The following HORMAD2 variants were observed in gnomAD, a reference collection of about 807,000 sequenced individuals.
HORMAD2 encodes the protein HORMA domain-containing protein 2.
HORMAD2 carries 45 observed loss-of-function variants against 38.8 expected under a neutral mutation model. The ratio of observed to expected loss-of-function variants is 1.16; its 90% CI spans 0.91 to 1.49. HORMAD2 has a LOEUF of 1.49. HORMAD2 is among the 40% of genes most tolerant of loss of function. HORMAD2 has a pLI of 0.00. For synonymous variants in HORMAD2, 126 were observed against 122.8 expected, an observed-to-expected ratio of 1.03 and a Z score of -0.17; for missense variants, 338 against 367.0, an observed-to-expected ratio of 0.92 and a Z score of 0.65.
At position 30,176,287 on chromosome 22, in the gene HORMAD2, C is replaced by A. The variant is rs1453813202; in HGVS notation, c.*120C>A. 2 of 738,842 alleles carry A rather than the reference C, an allele frequency of 2.7e-6. No individual in the cohort carries two copies. The highest frequency in any genetic ancestry group is 3.8e-4 in the Middle Eastern group (1 of 2,638). 45.8% of individuals were successfully genotyped at this position (738,842 alleles called of 1,614,324 possible). A position where few individuals can be genotyped will look rare whatever the true frequency, so the allele number is the denominator to read the frequency against. ...AAAACCTTTTTCTAAATTTTTTGCT[C>A]AATTTTTTTTGTCAGTTGCTAAGTG... On this transcript the variant is annotated 3_prime_UTR_variant, in exon 11 of 11. Coordinates refer to ENST00000336726, the MANE Select transcript of HORMAD2 (RefSeq NM_152510.4).
intron 10 of HORMAD2, among the ~76,000 whole-genome samples, chr22:30,146,097 T>A (rs1226725655): frequency 6.6e-6 from 1 of 152,226 alleles, no homozygotes; most frequent in Non-Finnish European, 1.5e-5. Context: ...GTCCATGTAA[T>A]TCCCCATGTT....
Position 30,121,648 on chromosome 22 carries a change from A to G in HORMAD2, c.427A>G (p.Ser143Gly), listed in dbSNP as rs1601541029. 6.3e-7 allele frequency: 1 copy of G among 1,596,858 alleles called. No individual in the cohort carries two copies. Among genetic ancestry groups the G allele is most frequent in the Admixed American group, 1.8e-5 (1 of 57,006 alleles). ...TCTGTGTAGTCATAGCAGCAGTACA[A>G]GCTTTGAAAGTGGAACAAACAATGA... ...MDFDSHSSST[S>G]FESGTNNEDI... The change falls in exon 9 of 11, where the codon AGC (serine) becomes GGC (glycine). Residue 143 changes from serine to glycine, a missense_variant. Physicochemically the swap from Ser to Gly is moderately conservative, Grantham distance 56. Transcript: ENST00000336726.
At chr22:30,086,714 AG>A (rs1271692851) in intron 1 of HORMAD2, among the ~76,000 whole-genome samples, 1 of 152,214 alleles carries the variant, frequency 6.6e-6, no homozygotes, top group Non-Finnish European at 1.5e-5. Flanking sequence ...TACAGGCAAA[AG>A]ATGAGACTGG....
In HORMAD2 at chr22:30,102,908, G is replaced by A. The variant is rs142633566; in HGVS notation, c.194-529G>A. On this transcript the variant is annotated intron_variant, in intron 3 of 10. Transcript: ENST00000336726. ...GCCTCCCAAAGTGCTGGGATTACAG[G>A]TGTGAGCCACCACACCCGGCCTAAA... Among the ~76,000 whole-genome samples the A allele has an allele frequency of 3.5e-3, 531 of 152,220 alleles. 11 individuals are homozygous for A. The highest frequency in any genetic ancestry group is 0.026 in the Admixed American group (393 of 15,270).
chr22:30,168,280 T>C lies in HORMAD2; in HGVS notation c.820-7783T>C, dbSNP rs141613164. Among the ~76,000 whole-genome samples, 5 of 152,314 alleles carry C rather than the reference T, an allele frequency of 3.3e-5. No individual in the cohort carries two copies. In the East Asian group the frequency reaches 9.6e-4, roughly 29 times the overall value. On this transcript the variant is annotated intron_variant, in intron 10 of 10. Coordinates refer to ENST00000336726, the MANE Select transcript of HORMAD2 (RefSeq NM_152510.4). Reference sequence around the variant, plus strand: ...ATTAAGGCCATCAAACATAAATCATTCAACTTTCTGCTCTCATATTTAAAT... The same window carrying C: ...ATTAAGGCCATCAAACATAAATCATCCAACTTTCTGCTCTCATATTTAAAT...
intron 8 of HORMAD2, 64 bp from the exon 9 acceptor site, chr22:30,121,568 T>C (rs1211446408): frequency 1.9e-5 from 24 of 1,290,890 alleles, no homozygotes; most frequent in Non-Finnish European, 2.4e-5. Context: ...AAAAGTTTTG[T>C]TCCTTTTGGG....
At chr22:30,136,762 T>C (rs186788499) in intron 10 of HORMAD2, 6 of 186,066 alleles carry the variant, frequency 3.2e-5, no homozygotes, top group Admixed American at 1.8e-4. Context: ...TCAAAACTAC[T>C]ACCTTCACCA....
intron 8 of HORMAD2, 145 bp downstream of exon 8, chr22:30,119,192 A>G (rs1428385276): frequency 4.9e-6 from 3 of 614,232 alleles, no homozygotes; most frequent in Non-Finnish European, 8.7e-6. Context: ...AAGGGGCTGC[A>G]ACAATTGTTT....
At chr22:30,084,386 C>T (rs1350271369) in intron 1 of HORMAD2, among the ~76,000 whole-genome samples, 1 of 152,116 alleles carries the variant, frequency 6.6e-6, no homozygotes, top group Admixed American at 6.5e-5. Context: ...CCTGGGGTAA[C>T]AATATTAATC....
chr22:30,200,153 G>A, the HORMAD2 span, among the ~76,000 whole-genome samples: 1 of 152,024 alleles, frequency 6.6e-6, no homozygotes, highest in South Asian at 2.1e-4. Flanking sequence ...CTGACCCCAA[G>A]AGATCCACCC....
At chr22:30,117,669 C>T (rs1262759055) in intron 7 of HORMAD2, among the ~76,000 whole-genome samples, 11 of 151,916 alleles carry the variant, frequency 7.2e-5, no homozygotes, top group Admixed American at 5.2e-4. Flanking sequence ...CCACCACGCC[C>T]GGCTAATTTT....
At chr22:30,169,189 T>G (rs1262860953) in intron 10 of HORMAD2, among the ~76,000 whole-genome samples, 1 of 152,178 alleles carries the variant, frequency 6.6e-6, no homozygotes, top group Non-Finnish European at 1.5e-5. Flanking sequence ...AAAGAACTGA[T>G]AAGATCTTTT....
chr22:30,122,295 G>A (rs563082244), intron 10 of HORMAD2, 81 bp downstream of exon 10: 10 of 1,320,768 alleles, frequency 7.6e-6, no homozygotes, highest in Admixed American at 5.6e-5. Flanking sequence ...GGGCATGCAC[G>A]TGGAGTGTGC....
intron 2 of HORMAD2, among the ~76,000 whole-genome samples, chr22:30,098,400 A>G (rs1329685103): frequency 6.6e-6 from 1 of 152,208 alleles, no homozygotes. Flanking sequence ...TTGGAGAGGA[A>G]AAGAGAGTAT....
At chr22:30,085,094 C>T (rs2068547455) in intron 1 of HORMAD2, among the ~76,000 whole-genome samples, 1 of 150,272 alleles carries the variant, frequency 6.7e-6, no homozygotes, top group Admixed American at 6.6e-5. Flanking sequence ...TGCAGTGAGC[C>T]GAGATTGCGC....
the HORMAD2 span, among the ~76,000 whole-genome samples, chr22:30,201,848 G>A: frequency 2.0e-5 from 3 of 152,138 alleles, no homozygotes; most frequent in Non-Finnish European, 4.4e-5. Flanking sequence ...TTGAAAAAAA[G>A]CATTTGTCCT....
intron 10 of HORMAD2, among the ~76,000 whole-genome samples, chr22:30,164,803 T>C (rs1316121751): frequency 2.0e-5 from 3 of 152,140 alleles, no homozygotes; most frequent in Non-Finnish European, 4.4e-5. Context: ...AAAATCAGGT[T>C]GTTTTGTTGT....
chr22:30,141,179 G>C (rs1204061280), intron 10 of HORMAD2, among the ~76,000 whole-genome samples: 1 of 151,766 alleles, frequency 6.6e-6, no homozygotes, highest in African/African-American at 2.4e-5. Flanking sequence ...TGTATTTTTA[G>C]TAAAGACGGG....
chr22:30,142,169 C>G (rs1924126847), intron 10 of HORMAD2, among the ~76,000 whole-genome samples: 1 of 152,162 alleles, frequency 6.6e-6, no homozygotes, highest in South Asian at 2.1e-4. Flanking sequence ...GTCCTACCTA[C>G]TTGAAAGGCT....
Sources: allele counts gnomAD v4.1 joint callset (sites outside exome capture counted in the v4.1 genomes callset), GRCh38; gene constraint gnomAD v4.1.1; transcripts MANE v1.5; gene names NCBI Gene and HGNC (gene_info 2026-07-23, HGNC 2026-07-21).